The following CHORDC1 variants were observed in gnomAD, a reference collection of about 807,000 sequenced individuals.
CHORDC1 encodes cysteine and histidine rich domain containing 1, also known as cysteine and histidine-rich domain-containing protein 1.
CHORDC1 carries 25 observed loss-of-function variants against 48.3 expected under a neutral mutation model. The ratio of observed to expected loss-of-function variants is 0.52; its 90% CI spans 0.38 to 0.72. The LOEUF (loss-of-function observed/expected upper bound fraction) is 0.72, where lower values mean the gene tolerates loss of function less well. CHORDC1 is among the 30% of genes least tolerant of loss of function. CHORDC1 has a pLI of 0.00. For missense variants in CHORDC1, 317 were observed against 388.7 expected, an observed-to-expected ratio of 0.82 and a Z score of 1.55; for synonymous variants, 128 against 126.4, an observed-to-expected ratio of 1.01 and a Z score of -0.09.
intron 2 of CHORDC1, among the ~76,000 whole-genome samples, 159 bp from the exon 3 acceptor site, chr11:90,215,389 T>C (rs1000180018): frequency 3.9e-5 from 6 of 151,992 alleles, no homozygotes; most frequent in African/African-American, 1.4e-4. Context: ...TCAAGTAAAA[T>C]GAATATTAAT....
At chr11:90,211,046 G>A (rs1857846857) in intron 5 of CHORDC1, 169 bp downstream of exon 5, 5 of 477,776 alleles carry the variant, frequency 1.0e-5, no homozygotes, top group East Asian at 3.9e-5. Flanking sequence ...AACCTATTAG[G>A]TTCTGAAGTA....
intron 4 of CHORDC1, chr11:90,213,113 G>A (rs1316111148): frequency 3.3e-6 from 1 of 301,108 alleles, no homozygotes; most frequent in Non-Finnish European, 6.1e-6. Context: ...TAACTATGAA[G>A]ATGGAGAGAG....
intron 6 of CHORDC1, chr11:90,208,525 A>T (rs771498627): frequency 1.4e-4 from 21 of 152,192 alleles, no homozygotes; most frequent in Non-Finnish European, 2.1e-4. Flanking sequence ...TCAAATAATG[A>T]CATACCTTAA....
At chr11:90,205,164 G>T (rs1183429150) in intron 8 of CHORDC1, among the ~76,000 whole-genome samples, 1 of 152,080 alleles carries the variant, frequency 6.6e-6, no homozygotes, top group Non-Finnish European at 1.5e-5. Context: ...AGTAGGAAGA[G>T]GCCATGGAGC....
intron 1 of CHORDC1, among the ~76,000 whole-genome samples, chr11:90,220,740 A>C (rs939366329): frequency 6.6e-6 from 1 of 152,144 alleles, no homozygotes; most frequent in African/African-American, 2.4e-5. Context: ...GGCAAAATTA[A>C]TATTTTATGG....
chr11:90,222,792 A>G (rs1380010980), intron 1 of CHORDC1, 99 bp downstream of exon 1: 2 of 1,125,368 alleles, frequency 1.8e-6, no homozygotes, highest in South Asian at 1.3e-5. Flanking sequence ...GGGCCGCGCG[A>G]GGACGGCTGC....
At chr11:90,207,212 A>G (rs1193316979) in intron 6 of CHORDC1, 1 of 161,840 alleles carries the variant, frequency 6.2e-6, no homozygotes, top group East Asian at 1.8e-4. Flanking sequence ...CTCATAAGCT[A>G]GCAGATTTTA....
Position 90,210,592 on chromosome 11 carries a change from C to T in CHORDC1, c.436G>A (p.Glu146Lys). 2 of 1,570,014 alleles carry T rather than the reference C, an allele frequency of 1.3e-6. No homozygotes were observed. Among genetic ancestry groups the T allele is most frequent in the Non-Finnish European group, 1.7e-6 (2 of 1,144,990 alleles). Residue 146 changes from glutamate (E) to lysine (K), a missense_variant and splice_region_variant, in exon 6 of 11, where the codon GAA (glutamate) becomes AAA (lysine). Physicochemically the swap from Glu to Lys is moderately conservative, Grantham distance 56. Coordinates refer to ENST00000320585, the MANE Select transcript of CHORDC1 (RefSeq NM_012124.3). ...CCAATCTTAATTTCATCATTGTCTT[C>T]TTCTGTAACAAAGAAAAAAAAATCA... ...SSGNEENKKE[E>K]DNDEIKIGTS...
intron 1 of CHORDC1, among the ~76,000 whole-genome samples, chr11:90,218,995 G>A (rs1858091831): frequency 6.6e-6 from 1 of 151,742 alleles, no homozygotes; most frequent in East Asian, 1.9e-4. Flanking sequence ...GGTGGGCCTG[G>A]TGGCTCATGC....
rs780821994 is a variant in CHORDC1, at chr11:90,202,371, G to T, written c.*34C>A. On this transcript the variant is annotated 3_prime_UTR_variant, in exon 11 of 11. Transcript: ENST00000320585. ...CACTTCACACAGTATTAAAAATTCGGAAATAATGTAATAGCCTTCCTTCCA... is the reference window on the plus strand; with the variant it reads ...CACTTCACACAGTATTAAAAATTCGTAAATAATGTAATAGCCTTCCTTCCA... The T allele has an allele frequency of 6.2e-7, 1 of 1,602,868 alleles. No homozygotes were observed.
intron 5 of CHORDC1, 192 bp from the exon 6 acceptor site, chr11:90,210,786 C>T (rs1415506688): frequency 3.7e-6 from 2 of 543,800 alleles, no homozygotes; most frequent in African/African-American, 1.9e-5. Context: ...TTCAACAATG[C>T]AGGACACAAT....
chr11:90,204,728 G>C (rs1212780301), intron 8 of CHORDC1, among the ~76,000 whole-genome samples: 1 of 151,972 alleles, frequency 6.6e-6, no homozygotes, highest in Non-Finnish European at 1.5e-5. Flanking sequence ...AAAAGTGGGG[G>C]AGGGGCAGCA....
chr11:90,222,875 G>T lies in CHORDC1; in HGVS notation c.64+16C>A, dbSNP rs778385094. 2 of 1,612,256 alleles carry T rather than the reference G, an allele frequency of 1.2e-6. No homozygotes were observed. Among genetic ancestry groups the T allele is most frequent in the Admixed American group, 3.3e-5 (2 of 59,958 alleles). ...GAGGTGGAGGGGAGGGAGGGCTGGCGGCGCGTTCCTCTTACCGTCGGAATT... is the reference window on the plus strand; with the variant it reads ...GAGGTGGAGGGGAGGGAGGGCTGGCTGCGCGTTCCTCTTACCGTCGGAATT... On this transcript the variant is annotated intron_variant, in intron 1 of 10. Coordinates refer to ENST00000320585, the MANE Select transcript of CHORDC1 (RefSeq NM_012124.3).
chr11:90,207,392 C>T (rs1428603886), intron 6 of CHORDC1: 1 of 152,198 alleles, frequency 6.6e-6, no homozygotes, highest in African/African-American at 2.4e-5. Flanking sequence ...AATGTGCCTC[C>T]ATATGAGAAA....
chr11:90,214,368 A>G (rs1815681412), intron 3 of CHORDC1, among the ~76,000 whole-genome samples, 193 bp from the exon 4 acceptor site: 1 of 152,132 alleles, frequency 6.6e-6, no homozygotes, highest in African/African-American at 2.4e-5. Flanking sequence ...GGCTTTTTTA[A>G]AAAGTCTTTG....
chr11:90,220,944 A>G (rs11018922), intron 1 of CHORDC1, among the ~76,000 whole-genome samples: 20,046 of 152,098 alleles, frequency 0.13, 1,926 homozygotes, highest in East Asian at 0.38. Flanking sequence ...GTAAGTTACC[A>G]ACTGTGTCTC....
In CHORDC1 at chr11:90,215,158, A is replaced by C; in HGVS notation, c.171+16T>G. 3 of 1,402,898 alleles carry C rather than the reference A, an allele frequency of 2.1e-6. No homozygotes were observed. The highest frequency in any genetic ancestry group is 2.9e-6 in the Non-Finnish European group (3 of 1,024,808). 86.9% of individuals were successfully genotyped at this position (1,402,898 alleles called of 1,614,324 possible). ...ATTTTTAGGAAGATAATCTAGAAAAAATAATTAGTACTTACTACAATGCTT... is the reference window on the plus strand; with the variant it reads ...ATTTTTAGGAAGATAATCTAGAAAACATAATTAGTACTTACTACAATGCTT... On this transcript the variant is annotated intron_variant, in intron 3 of 10. Coordinates refer to ENST00000320585, the MANE Select transcript of CHORDC1 (RefSeq NM_012124.3).
In CHORDC1 at chr11:90,213,453, T is replaced by G. The variant is rs543096287; in HGVS notation, c.329+565A>C. ...AACAAAGGTACTCAATATACATGTG[T>G]GGGAATACAGAGTCTGGTTATCAGA... is the stretch of plus-strand genomic sequence containing the variant. On this transcript the variant is annotated intron_variant, in intron 4 of 10. Transcript: ENST00000320585. 3 of 691,380 alleles carry G rather than the reference T, an allele frequency of 4.3e-6. No homozygotes were observed. In the African/African-American group the frequency reaches 5.3e-5, roughly 12 times the overall value. 42.8% of individuals were successfully genotyped at this position (691,380 alleles called of 1,614,324 possible). A position where few individuals can be genotyped will look rare whatever the true frequency, so the allele number is the denominator to read the frequency against.
In CHORDC1 at chr11:90,201,235, A is replaced by C. The variant is rs1030568612; in HGVS notation, c.*1170T>G. On this transcript the variant is annotated 3_prime_UTR_variant, in exon 11 of 11. Transcript: ENST00000320585. ...AAACCCCTTTTAATTTTAAATCTAC[A>C]TAAGTTTAATTTATTCCCAAACTTT... 2 of 151,998 alleles carry C rather than the reference A, an allele frequency of 1.3e-5. No homozygotes were observed. The highest frequency in any genetic ancestry group is 1.9e-4 in the East Asian group (1 of 5,194). 9.4% of individuals were successfully genotyped at this position (151,998 alleles called of 1,614,324 possible).
Sources: allele counts gnomAD v4.1 joint callset (sites outside exome capture counted in the v4.1 genomes callset), GRCh38; gene constraint gnomAD v4.1.1; transcripts MANE v1.5; gene names NCBI Gene and HGNC (gene_info 2026-07-23, HGNC 2026-07-21).